THADA: variants seen among roughly 807,000 people sequenced by gnomAD.
The protein encoded by THADA is THADA armadillo repeat containing.
Under a neutral mutation model 219.8 loss-of-function variants are expected in THADA, and 213 were observed. The observed-to-expected ratio is 0.97, with a 90% CI of 0.87 to 1.09. THADA has a LOEUF of 1.09. Among genes scored for constraint, THADA ranks in the 50% least tolerant of loss-of-function variants. THADA has a pLI of 0.00. For missense variants in THADA, 2,956 were observed against 2,311.3 expected (o/e 1.28, Z -5.72); for synonymous variants, 1,018 against 828.9 (o/e 1.23, Z -3.92).
At chr2:43,382,542 G>C (rs572429802) in intron 29 of THADA, among the ~76,000 whole-genome samples, 1 of 152,130 alleles carries the variant, frequency 6.6e-6, no homozygotes, top group Non-Finnish European at 1.5e-5. Context: ...AAGCAAAAGA[G>C]AGTTGGTGTC....
At chr2:43,438,156 G>A (rs1379834397) in intron 26 of THADA, among the ~76,000 whole-genome samples, 1 of 151,906 alleles carries the variant, frequency 6.6e-6, no homozygotes, top group Non-Finnish European at 1.5e-5. Context: ...AAAAAAATTA[G>A]CCGGGCAAGG....
At chr2:43,458,414 C>T (rs986946900) in intron 26 of THADA, among the ~76,000 whole-genome samples, 2 of 152,120 alleles carry the variant, frequency 1.3e-5, no homozygotes, top group African/African-American at 4.8e-5. Context: ...GGGGAAGTCA[C>T]CTAACTTCTG....
Position 43,586,731 on chromosome 2 carries a change from C to G in THADA, c.455G>C (p.Arg152Thr). ...TTTAAGCAGATTATTAACACTTGCTCTACCTGTAGAGGAAAAAATGAACAC... is the reference window on the plus strand; with the variant it reads ...TTTAAGCAGATTATTAACACTTGCTGTACCTGTAGAGGAAAAAATGAACAC... ...SSCMENFNLG[R>T]ASVNNLLKNV... is the part of the protein sequence containing the mutation. The change falls in exon 6 of 38, where the codon AGA becomes ACA. Residue 152 changes from arginine to threonine, a missense_variant. Physicochemically the swap from Arg to Thr is moderately conservative, Grantham distance 71. Coordinates refer to ENST00000405975, the MANE Select transcript of THADA (RefSeq NM_022065.5). The G allele has an allele frequency of 6.2e-7, 1 of 1,612,336 alleles. No homozygotes were observed. Among genetic ancestry groups the G allele is most frequent in the South Asian group, 1.1e-5 (1 of 90,512 alleles).
At chr2:43,241,631 C>T (rs1027132596) in intron 36 of THADA, among the ~76,000 whole-genome samples, 3 of 151,736 alleles carry the variant, frequency 2.0e-5, no homozygotes, top group Admixed American at 6.5e-5. Context: ...ATCCAAATTT[C>T]TAGCATCTTT....
chr2:43,455,474 A>T (rs1356796583), intron 26 of THADA, among the ~76,000 whole-genome samples: 2 of 151,710 alleles, frequency 1.3e-5, no homozygotes, highest in Admixed American at 1.3e-4. Context: ...ATACAAACAC[A>T]CTTTCTCTCT....
At chr2:43,487,396 A>G (rs1347031379) in intron 25 of THADA, among the ~76,000 whole-genome samples, 2 of 152,220 alleles carry the variant, frequency 1.3e-5, no homozygotes, top group Non-Finnish European at 2.9e-5. Context: ...GGAGATGTTG[A>G]GAAATGCACA....
chr2:43,441,993 T>G (rs970511753), intron 26 of THADA, among the ~76,000 whole-genome samples: 15 of 152,222 alleles, frequency 9.9e-5, no homozygotes, highest in African/African-American at 3.4e-4. Flanking sequence ...AAAACCTGGT[T>G]AAGAAGACAG....
intron 36 of THADA, among the ~76,000 whole-genome samples, chr2:43,252,254 T>A (rs1323233311): frequency 6.6e-6 from 1 of 152,192 alleles, no homozygotes; most frequent in Non-Finnish European, 1.5e-5. Context: ...TTTACTCTAC[T>A]CCCAATTAAC....
intron 29 of THADA, among the ~76,000 whole-genome samples, chr2:43,381,978 C>G (rs1381459300): frequency 6.6e-6 from 1 of 152,116 alleles, no homozygotes; most frequent in Non-Finnish European, 1.5e-5. Context: ...CTCCCAAAAA[C>G]CCATAATCCT....
intron 24 of THADA, among the ~76,000 whole-genome samples, chr2:43,502,599 A>AAAAG (rs1553466051): frequency 0.011 from 1,576 of 146,220 alleles, 21 homozygotes; most frequent in African/African-American, 0.034. Flanking sequence ...AAAAAAAAAA[A>AAAAG]AAAGAAAGAA....
chr2:43,358,254 T>C (rs1393832806), intron 29 of THADA, among the ~76,000 whole-genome samples: 2 of 152,170 alleles, frequency 1.3e-5, no homozygotes, highest in African/African-American at 2.4e-5. Context: ...TTTTTTGTCA[T>C]ATATTCTCTA....
At position 43,581,814 on chromosome 2, in the gene THADA, C is replaced by T. The variant is rs759340475; in HGVS notation, c.648G>A (p.Trp216Ter). ...GCCATATGGGAGAATCGGAAGTCTT[C>T]CAAAGATTTCCCTGGAAATCTTGTA... ...QKVQDFQGNL[W>*]KTSDSPIWQN... The change falls in exon 8 of 38, where the codon TGG (tryptophan) becomes TGA (stop). Residue 216 changes from tryptophan to a stop codon, truncating the protein, a stop_gained. Coordinates refer to ENST00000405975, the MANE Select transcript of THADA (RefSeq NM_022065.5). LOFTEE classifies it high-confidence loss of function. 1.2e-6 allele frequency: 2 copies of T among 1,612,746 alleles called. No individual in the cohort carries two copies. The highest frequency in any genetic ancestry group is 1.3e-5 in the African/African-American group (1 of 74,996).
chr2:43,442,073 A>G (rs1409680206), intron 26 of THADA, among the ~76,000 whole-genome samples: 3 of 152,212 alleles, frequency 2.0e-5, no homozygotes, highest in East Asian at 1.9e-4. Context: ...GATATTTACA[A>G]TAAGAGTTTG....
intron 29 of THADA, among the ~76,000 whole-genome samples, chr2:43,365,424 AG>A (rs1227146945): frequency 6.6e-6 from 1 of 151,990 alleles, no homozygotes; most frequent in African/African-American, 2.4e-5. Flanking sequence ...TACAAAAATT[AG>A]CTGGGCGTGG....
chr2:43,262,640 T>A (rs1255624946), intron 36 of THADA, among the ~76,000 whole-genome samples: 1 of 152,242 alleles, frequency 6.6e-6, no homozygotes, highest in Non-Finnish European at 1.5e-5. Context: ...AGTTCGTGTT[T>A]TTTTCCTTTA....
intron 29 of THADA, among the ~76,000 whole-genome samples, chr2:43,362,852 C>A (rs1669688739): frequency 6.6e-6 from 1 of 151,954 alleles, no homozygotes; most frequent in African/African-American, 2.4e-5. Context: ...ATTTTTTAAG[C>A]TTTTTCCTAT....
intron 35 of THADA, among the ~76,000 whole-genome samples, chr2:43,280,835 A>C (rs565107146): frequency 5.5e-4 from 83 of 152,260 alleles, no homozygotes; most frequent in Non-Finnish European, 9.8e-4. Context: ...TGTCCTGAGC[A>C]ATCAAAAGGA....
At chr2:43,567,295 T>C (rs1004463184) in intron 14 of THADA, among the ~76,000 whole-genome samples, 2 of 152,156 alleles carry the variant, frequency 1.3e-5, no homozygotes, top group Non-Finnish European at 2.9e-5. Flanking sequence ...AATATCCTAG[T>C]TAAGCTACTT....
At chr2:43,434,975 C>A (rs1177860034) in intron 26 of THADA, among the ~76,000 whole-genome samples, 1 of 152,150 alleles carries the variant, frequency 6.6e-6, no homozygotes, top group Non-Finnish European at 1.5e-5. Flanking sequence ...AGCCCCACAG[C>A]CTGCCTGTCT....
Sources: gnomAD v4.1 joint callset for allele counts (sites outside exome capture counted in the v4.1 genomes callset) on GRCh38, gnomAD v4.1.1 for gene constraint, MANE v1.5 for transcripts, NCBI Gene and HGNC (gene_info 2026-07-23, HGNC 2026-07-21) for gene names.